The following SSX2IP variants were observed in gnomAD, a reference collection of about 807,000 sequenced individuals.
SSX2IP encodes SSX family member 2 interacting protein.
A neutral mutation model predicts 84.9 loss-of-function variants in SSX2IP; 55 were observed. The observed-to-expected ratio is 0.65, with a 90% confidence interval of 0.52 to 0.81. The LOEUF is 0.81. Ranked by LOEUF, SSX2IP falls within the 30% of genes least tolerant of loss-of-function variation. SSX2IP has a pLI of 0.00. For missense variants in SSX2IP, 664 were observed against 705.2 expected (o/e 0.94, Z 0.66); for synonymous variants, 239 against 234.7 (o/e 1.02, Z -0.17).
In SSX2IP at chr1:84,656,217, TAGCAGGGAACACAG is replaced by T. The variant is rs1200388009; in HGVS notation, c.1215+117_1215+130del. Reference sequence around the variant, plus strand: ...AAGGAGTGGTACACAATGTATCTGTTAGCAGGGAACACAGACTAGAAATCTGTCAAATACCAGGG... The same window carrying T: ...AAGGAGTGGTACACAATGTATCTGTTACTAGAAATCTGTCAAATACCAGGG... On this transcript the variant is annotated intron_variant, in intron 10 of 13. Transcript: ENST00000342203. The T allele has an allele frequency of 3.0e-6, 3 of 1,004,380 alleles. No individual in the cohort carries two copies. In the African/African-American group the frequency reaches 4.9e-5, roughly 16 times the overall value. 62.2% of individuals were successfully genotyped at this position (1,004,380 alleles called of 1,614,324 possible).
chr1:84,683,109 CTT>C (rs1655312321), intron 1 of SSX2IP, among the ~76,000 whole-genome samples: 1 of 151,232 alleles, frequency 6.6e-6, no homozygotes, highest in Non-Finnish European at 1.5e-5. Context: ...ACCCTACTAT[CTT>C]TAGTACAGGA....
intron 13 of SSX2IP, among the ~76,000 whole-genome samples, chr1:84,647,988 C>T (rs1022741993): frequency 7.2e-5 from 11 of 151,920 alleles, no homozygotes; most frequent in African/African-American, 2.2e-4. Context: ...TATAGTAATT[C>T]GGTCATCAGA....
intron 13 of SSX2IP, among the ~76,000 whole-genome samples, chr1:84,647,865 G>C (rs944188704): frequency 6.6e-6 from 1 of 152,010 alleles, no homozygotes; most frequent in Non-Finnish European, 1.5e-5. Flanking sequence ...GAGTAACATG[G>C]TGAAACCCTG....
chr1:84,671,603 T>C (rs1251744259), intron 1 of SSX2IP, among the ~76,000 whole-genome samples: 3 of 152,190 alleles, frequency 2.0e-5, no homozygotes, highest in African/African-American at 7.2e-5. Context: ...TTGTACTAAG[T>C]AATATTTCTA....
In SSX2IP at chr1:84,644,688, G is replaced by C. The variant is rs1285019652; in HGVS notation, c.*2745C>G. The C allele has an allele frequency of 2.0e-5, 3 of 152,200 alleles. No homozygotes were observed. The highest frequency in any genetic ancestry group is 4.4e-5 in the Non-Finnish European group (3 of 68,032). 9.4% of individuals were successfully genotyped at this position (152,200 alleles called of 1,614,324 possible). ...GCTTTCAAATGTTCCACCAGGGGCA[G>C]TCAAGACTAGATTCACGGTGCTCTC... On this transcript the variant is annotated 3_prime_UTR_variant, in exon 14 of 14. Transcript: ENST00000342203.
intron 8 of SSX2IP, among the ~76,000 whole-genome samples, chr1:84,659,554 C>CT: frequency 6.6e-6 from 1 of 152,216 alleles, no homozygotes; most frequent in Non-Finnish European, 1.5e-5. Flanking sequence ...AATCCCAGCA[C>CT]TTTGGGAGGC....
At chr1:84,656,321 C>G (rs1432622652) in intron 10 of SSX2IP, 27 bp downstream of exon 10, 1 of 1,601,994 alleles carries the variant, frequency 6.2e-7, no homozygotes, top group Non-Finnish European at 8.5e-7. Flanking sequence ...TCATGGAGAA[C>G]AGCTTTAAAA....
chr1:84,670,788 G>C lies in SSX2IP; in HGVS notation c.71C>G (p.Ser24Ter). ...ACTTGATGGAGACATCTTTGTTTCT[G>C]AGGTATATTGAGAGATAGTTTTGCT... ...SESKTISQYT[S>*]ETKMSPSSLY... is the part of the protein sequence containing the mutation. The change falls in exon 3 of 14, where the codon TCA becomes TGA. Residue 24 changes from serine to a stop codon, truncating the protein, a stop_gained. Transcript: ENST00000342203. LOFTEE classifies it high-confidence loss of function. 1.2e-6 allele frequency: 2 copies of C among 1,609,966 alleles called. No homozygotes were observed. The highest frequency in any genetic ancestry group is 1.7e-6 in the Non-Finnish European group (2 of 1,178,260).
intron 6 of SSX2IP, 48 bp downstream of exon 6, chr1:84,664,369 T>G (rs757987209): frequency 4.7e-6 from 7 of 1,477,062 alleles, no homozygotes; most frequent in Non-Finnish European, 6.3e-6. Context: ...TTTCTAAGCA[T>G]AGTATTAGCT....
intron 11 of SSX2IP, chr1:84,655,173 A>T: frequency 3.6e-6 from 1 of 278,330 alleles, no homozygotes. Context: ...GAAATACATT[A>T]AAAGTTAAAA....
chr1:84,678,859 A>G (rs564852425), intron 1 of SSX2IP, among the ~76,000 whole-genome samples: 2 of 152,290 alleles, frequency 1.3e-5, no homozygotes, highest in South Asian at 2.1e-4. Flanking sequence ...TTGAAAGTCA[A>G]ACTTGAGAAG....
At chr1:84,686,253 TTATAG>T (rs1255822811) in intron 1 of SSX2IP, among the ~76,000 whole-genome samples, 1 of 152,160 alleles carries the variant, frequency 6.6e-6, no homozygotes, top group African/African-American at 2.4e-5. Context: ...GAGACAGATA[TTATAG>T]TAAACTGGGC....
At chr1:84,671,061 C>T (rs1443336905) in intron 2 of SSX2IP, 116 bp downstream of exon 2, 8 of 1,249,468 alleles carry the variant, frequency 6.4e-6, no homozygotes, top group Non-Finnish European at 7.6e-6. Context: ...TATTTTACAA[C>T]GATTTGTCTC....
intron 1 of SSX2IP, among the ~76,000 whole-genome samples, chr1:84,683,628 C>T (rs1218668857): frequency 6.6e-6 from 1 of 152,308 alleles, no homozygotes; most frequent in East Asian, 1.9e-4. Flanking sequence ...TAACAGGCAT[C>T]ATCACTCACT....
intron 8 of SSX2IP, among the ~76,000 whole-genome samples, chr1:84,660,880 G>A (rs764682234): frequency 3.1e-4 from 37 of 120,500 alleles, no homozygotes; most frequent in Non-Finnish European, 5.1e-4. Context: ...GTAAAACCCC[G>A]TCTCTACTAA....
intron 11 of SSX2IP, among the ~76,000 whole-genome samples, chr1:84,652,764 G>A (rs1440988994): frequency 1.3e-5 from 2 of 151,820 alleles, no homozygotes; most frequent in Non-Finnish European, 1.5e-5. Flanking sequence ...GGTGGCTCAC[G>A]CCTGTAATCC....
At position 84,666,150 on chromosome 1, in the gene SSX2IP, T is replaced by A. The variant is rs750937978; in HGVS notation, c.509A>T (p.His170Leu). The change falls in exon 5 of 14, where the codon CAT becomes CTT. Residue 170 changes from histidine (H) to leucine (L), a missense_variant. Coordinates refer to ENST00000342203, the MANE Select transcript of SSX2IP (RefSeq NM_001166293.2). The part of the protein sequence containing the change: ...RQLQCKNRNL[H>L]QLLKNEKDEV... Reference sequence around the variant, plus strand: ...ATCTTTCTCATTCTTTAGTAGCTGATGCAAATTCCTGTTCTTACATTGTAA... The same window carrying A: ...ATCTTTCTCATTCTTTAGTAGCTGAAGCAAATTCCTGTTCTTACATTGTAA... 6.2e-7 allele frequency: 1 copy of A among 1,612,342 alleles called. No homozygotes were observed. The highest frequency in any genetic ancestry group is 1.7e-5 in the Admixed American group (1 of 59,764).
chr1:84,680,045 AATCT>A (rs1654868936), intron 1 of SSX2IP, among the ~76,000 whole-genome samples: 1 of 152,160 alleles, frequency 6.6e-6, no homozygotes, highest in African/African-American at 2.4e-5. Context: ...AACAGAACTC[AATCT>A]ATCTCCCAGT....
intron 1 of SSX2IP, among the ~76,000 whole-genome samples, chr1:84,672,916 T>C (rs893899728): frequency 6.6e-6 from 1 of 152,038 alleles, no homozygotes; most frequent in African/African-American, 2.4e-5. Context: ...TCCCAGCTAC[T>C]CAAGAGGCTG....
Sources: gnomAD v4.1 joint callset for allele counts (sites outside exome capture counted in the v4.1 genomes callset) on GRCh38, gnomAD v4.1.1 for gene constraint, MANE v1.5 for transcripts, NCBI Gene and HGNC (gene_info 2026-07-23, HGNC 2026-07-21) for gene names.